Variants in ZFR2 observed in about 807,000 individuals in gnomAD.
The protein encoded by ZFR2 is zinc finger RNA binding protein 2.
A neutral mutation model predicts 105.7 loss-of-function variants in ZFR2; 104 were observed. The ratio of observed to expected loss-of-function variants is 0.98; its 90% CI spans 0.84 to 1.16. The LOEUF (loss-of-function observed/expected upper bound fraction) is 1.16. ZFR2 is among the 50% of genes most tolerant of loss of function. ZFR2 has a pLI of 0.00. For missense variants in ZFR2, 1,425 were observed against 1,355.5 expected (o/e 1.05, Z -0.80); for synonymous variants, 634 against 597.7 (o/e 1.06, Z -0.89).
chr19:3,859,086 C>A (rs2038340195), intron 1 of ZFR2, among the ~76,000 whole-genome samples: 1 of 152,116 alleles, frequency 6.6e-6, no homozygotes, highest in South Asian at 2.1e-4. Flanking sequence ...GAGGCAGACC[C>A]ACCCTCACTC....
rs765872152 is a variant in ZFR2 at position 3,807,159 on chromosome 19, T to C, written c.2643+13A>G. 6.5e-7 allele frequency: 1 copy of C among 1,548,500 alleles called. No homozygotes were observed. The highest frequency in any genetic ancestry group is 8.7e-7 in the Non-Finnish European group (1 of 1,144,674). On this transcript the variant is annotated intron_variant, in intron 18 of 18. Coordinates refer to ENST00000262961, the MANE Select transcript of ZFR2 (RefSeq NM_015174.2). ...GCCTGGGTGTCACCCTTGCCGTGAC[T>C]TGACCCTCCTACCTGGGCGCTGGCG...
rs994967610 is a variant in ZFR2, at chr19:3,825,312, C to T, written c.1131G>A (p.Thr377=). Residue 377 remains threonine, a synonymous_variant, in exon 7 of 19, where the codon ACG becomes ACA. Coordinates refer to ENST00000262961, the MANE Select transcript of ZFR2 (RefSeq NM_015174.2). ...CACACACGCTGGGGCCAGTGGGGGACGTGGGCTTGGCCTCTGCCCCGGGGG... is the reference window on the plus strand; with the variant it reads ...CACACACGCTGGGGCCAGTGGGGGATGTGGGCTTGGCCTCTGCCCCGGGGG... ...ESPPGAEAKP[T]SPTGPSVCAS... 2.2e-5 allele frequency: 35 copies of T among 1,581,868 alleles called. No individual in the cohort carries two copies. The highest frequency in any genetic ancestry group is 3.5e-5 in the South Asian group (3 of 86,126).
In ZFR2 at chr19:3,821,498, G is replaced by A; in HGVS notation, c.1492-19C>T. The A allele has an allele frequency of 6.3e-7, 1 of 1,578,086 alleles. No individual in the cohort carries two copies. Among genetic ancestry groups the A allele is most frequent in the South Asian group, 1.1e-5 (1 of 88,582 alleles). On this transcript the variant is annotated intron_variant, in intron 9 of 18. Coordinates refer to ENST00000262961, the MANE Select transcript of ZFR2 (RefSeq NM_015174.2). ...CTTTCTTCTGGAAAGGACAGGCAAGGCTCTGAGAGTAGGGACCTTGCTTTA... is the reference window on the plus strand; with the variant it reads ...CTTTCTTCTGGAAAGGACAGGCAAGACTCTGAGAGTAGGGACCTTGCTTTA...
chr19:3,812,983 G>A (rs2145136088), intron 14 of ZFR2, among the ~76,000 whole-genome samples: 2 of 152,314 alleles, frequency 1.3e-5, no homozygotes, highest in South Asian at 4.1e-4. Flanking sequence ...CGGAGGCTGA[G>A]GCAGGAGAAT....
chr19:3,830,427 C>CT (rs542242006), intron 5 of ZFR2, among the ~76,000 whole-genome samples: 2 of 152,180 alleles, frequency 1.3e-5, no homozygotes, highest in Non-Finnish European at 2.9e-5. Flanking sequence ...CAGAGCGAGA[C>CT]TTTGTCTCCA....
At chr19:3,857,388 G>A (rs1439389280) in intron 1 of ZFR2, among the ~76,000 whole-genome samples, 3 of 152,032 alleles carry the variant, frequency 2.0e-5, no homozygotes, top group Admixed American at 6.6e-5. Context: ...AGGTGAGAGC[G>A]ATAGTTGAGA....
rs943457832 is a variant in ZFR2 at position 3,831,643 on chromosome 19, A to G, written c.598+17T>C. 7 of 1,527,336 alleles carry G rather than the reference A, an allele frequency of 4.6e-6. No homozygotes were observed. The highest frequency in any genetic ancestry group is 6.2e-6 in the Non-Finnish European group (7 of 1,132,044). The allele number at this position is 1,527,336 out of a possible 1,614,324, so 94.6% of individuals were successfully genotyped here. ...GACCGACGGGCAGACCACCTGGGCA[A>G]GGAACGCTGGTCTTACCCGTGTAGG... is the stretch of plus-strand genomic sequence containing the variant. On this transcript the variant is annotated intron_variant, in intron 4 of 18. Transcript: ENST00000262961.
At chr19:3,817,842 G>A (rs1331881065) in intron 12 of ZFR2, among the ~76,000 whole-genome samples, 1 of 151,946 alleles carries the variant, frequency 6.6e-6, no homozygotes, top group Admixed American at 6.6e-5. Flanking sequence ...CAGGTGCAAG[G>A]CTCACATTTC....
intron 13 of ZFR2, among the ~76,000 whole-genome samples, chr19:3,815,740 T>G (rs1484724344): frequency 6.7e-6 from 1 of 149,402 alleles, no homozygotes; most frequent in African/African-American, 2.5e-5. Context: ...CATGCCGCCA[T>G]GCTCAGCTAA....
In ZFR2 at chr19:3,843,436, A is replaced by C. The variant is rs867454598; in HGVS notation, c.54-8453T>G. On this transcript the variant is annotated intron_variant, in intron 1 of 18. Coordinates refer to ENST00000262961, the MANE Select transcript of ZFR2 (RefSeq NM_015174.2). ...CAGTGAGTTGAGATCGCGCCACTGC[A>C]CTCCAGCCTGGGAGACAGAGCAAGA... Among the ~76,000 whole-genome samples the C allele has an allele frequency of 4.6e-5, 7 of 152,154 alleles. No homozygotes were observed. In the Middle Eastern group the frequency reaches 0.014, roughly 296 times the overall value.
chr19:3,845,918 C>T (rs1241516069), intron 1 of ZFR2, among the ~76,000 whole-genome samples: 1 of 152,220 alleles, frequency 6.6e-6, no homozygotes, highest in Admixed American at 6.5e-5. Flanking sequence ...GGCGCGGATT[C>T]AGCCCCTGAT....
intron 1 of ZFR2, among the ~76,000 whole-genome samples, chr19:3,848,952 C>T (rs2038208895): frequency 6.6e-6 from 1 of 152,212 alleles, no homozygotes; most frequent in Non-Finnish European, 1.5e-5. Flanking sequence ...CGAGATCACA[C>T]CACTGCACTC....
intron 8 of ZFR2, 72 bp from the exon 9 acceptor site, chr19:3,822,272 G>A: frequency 6.5e-7 from 1 of 1,532,656 alleles, no homozygotes; most frequent in Non-Finnish European, 8.8e-7. Context: ...CCGCTGCCAG[G>A]TCGCGGCGGA....
intron 1 of ZFR2, chr19:3,852,262 G>A: frequency 1.7e-6 from 1 of 593,328 alleles, no homozygotes; most frequent in Admixed American, 3.1e-5. Flanking sequence ...GCCAGATGGG[G>A]CTCAGCTGGG....
chr19:3,837,243 T>G (rs2038084591), intron 1 of ZFR2, among the ~76,000 whole-genome samples: 1 of 152,218 alleles, frequency 6.6e-6, no homozygotes, highest in Non-Finnish European at 1.5e-5. Flanking sequence ...CTTCAAGCAT[T>G]CATTCCTCTA....
intron 11 of ZFR2, among the ~76,000 whole-genome samples, chr19:3,819,781 G>A: frequency 1.3e-5 from 2 of 151,896 alleles, no homozygotes; most frequent in Admixed American, 1.3e-4. Context: ...AAACCCTGGA[G>A]GCAGAGGTTG....
At chr19:3,843,834 C>CA (rs373602529) in intron 1 of ZFR2, among the ~76,000 whole-genome samples, 8,949 of 125,786 alleles carry the variant, frequency 0.071, 329 homozygotes, top group Non-Finnish European at 0.088. Context: ...GACTCTGTCT[C>CA]AAAAAACAAA....
chr19:3,809,822 T>C (rs1203843218), intron 16 of ZFR2, among the ~76,000 whole-genome samples: 1 of 152,050 alleles, frequency 6.6e-6, no homozygotes, highest in Non-Finnish European at 1.5e-5. Flanking sequence ...TGCGTGCCTG[T>C]AATCCCAGCT....
intron 1 of ZFR2, among the ~76,000 whole-genome samples, chr19:3,850,133 C>T (rs973696703): frequency 6.6e-6 from 1 of 152,074 alleles, no homozygotes; most frequent in Non-Finnish European, 1.5e-5. Flanking sequence ...GCAGAGGCAG[C>T]GAAACCCAGG....
Sources: gnomAD v4.1 joint callset for allele counts (sites outside exome capture counted in the v4.1 genomes callset) on GRCh38, gnomAD v4.1.1 for gene constraint, MANE v1.5 for transcripts, NCBI Gene and HGNC (gene_info 2026-07-23, HGNC 2026-07-21) for gene names.